Variants in KLC1 observed in about 807,000 individuals in gnomAD.
The protein encoded by KLC1 is kinesin 2 60/70kDa.
A neutral mutation model predicts 84.2 loss-of-function variants in KLC1; 30 were observed. The ratio of observed to expected loss-of-function variants is 0.36; its 90% CI spans 0.27 to 0.48. The LOEUF (loss-of-function observed/expected upper bound fraction) is 0.48, where lower values mean the gene tolerates loss of function less well. KLC1 is among the 20% of genes least tolerant of loss of function. KLC1 has a pLI of 0.99. For synonymous variants in KLC1, 289 were observed against 293.3 expected (o/e 0.99, Z 0.15); for missense variants, 499 against 805.4 (o/e 0.62, Z 4.60).
At chr14:103,647,082 C>A (rs1283996857) in intron 1 of KLC1, among the ~76,000 whole-genome samples, 2 of 152,118 alleles carry the variant, frequency 1.3e-5, no homozygotes, top group African/African-American at 4.8e-5. Flanking sequence ...TTTTCAGTTA[C>A]ACGGGTACAA....
At position 103,694,090 on chromosome 14, in the gene KLC1, A is replaced by T; in HGVS notation, c.1848+1665A>T. ...GGCAGTAAAGCCTGAAGCTTAGCGGACACTGGTCAGTGGGAAGTGAATTCC... is the reference window on the plus strand; with the variant it reads ...GGCAGTAAAGCCTGAAGCTTAGCGGTCACTGGTCAGTGGGAAGTGAATTCC... On this transcript the variant is annotated intron_variant, in intron 15 of 16. Transcript: ENST00000334553. This position sits in a 1 kb window ranked among gnomAD's most constrained non-coding sequence, Gnocchi z 4.5. 1.0e-6 allele frequency: 1 copy of T among 985,958 alleles called. No homozygotes were observed. The highest frequency in any genetic ancestry group is 1.2e-6 in the Non-Finnish European group (1 of 829,538). The allele number at this position is 985,958 out of a possible 1,614,324, so 61.1% of individuals were successfully genotyped here.
chr14:103,689,013 A>G (rs2081945189), intron 14 of KLC1, among the ~76,000 whole-genome samples: 2 of 152,106 alleles, frequency 1.3e-5, no homozygotes, highest in African/African-American at 2.4e-5. Context: ...GAGATTACAC[A>G]TTTCTTCTTA....
In KLC1 at chr14:103,662,811, G is replaced by T; in HGVS notation, c.681G>T (p.Gly227=). The T allele has an allele frequency of 6.2e-7, 1 of 1,613,118 alleles. No homozygotes were observed. The highest frequency in any genetic ancestry group is 8.5e-7 in the Non-Finnish European group (1 of 1,179,856). Residue 227 remains glycine, a synonymous_variant, in exon 5 of 17, where the codon GGG becomes GGT. Coordinates refer to ENST00000334553, the MANE Select transcript of KLC1 (RefSeq NM_001394837.1). The stretch of plus-strand genomic sequence containing the variant: ...TGGTGATCCAGTACGCCTCGCAGGG[G>T]CGCTACGAGGTAGCTGTGCCCCTCT... The part of the protein sequence containing the change: ...HNLVIQYASQ[G]RYEVAVPLCK...
At chr14:103,664,747 T>C (rs1243957551) in intron 5 of KLC1, among the ~76,000 whole-genome samples, 2 of 151,646 alleles carry the variant, frequency 1.3e-5, no homozygotes, top group Non-Finnish European at 2.9e-5. Context: ...ACTCCTGGGC[T>C]TAAGTGATCT....
At chr14:103,695,542 TC>T in intron 15 of KLC1, 1 of 985,290 alleles carries the variant, frequency 1.0e-6, no homozygotes, top group Non-Finnish European at 1.2e-6. Flanking sequence ...GGGTGCCTTC[TC>T]CCTGTGAGGA....
chr14:103,654,407 A>C (rs1487047467), intron 1 of KLC1, among the ~76,000 whole-genome samples, 157 bp from the exon 2 acceptor site: 1 of 152,248 alleles, frequency 6.6e-6, no homozygotes, highest in Non-Finnish European at 1.5e-5. Context: ...GAAAAACAGA[A>C]ACTGCAGAAT....
In KLC1 at chr14:103,675,534, C is replaced by G. The variant is rs2080809000; in HGVS notation, c.1262-18C>G. 6.2e-7 allele frequency: 1 copy of G among 1,606,900 alleles called. No individual in the cohort carries two copies. Among genetic ancestry groups the G allele is most frequent in the Non-Finnish European group, 8.5e-7 (1 of 1,175,508 alleles). ...GGATTAAGGATGCTCAACCTGTATG[C>G]TGTGTTTTCTTCCCTAGATGAAAAT... On this transcript the variant is annotated intron_variant, in intron 9 of 16. Transcript: ENST00000334553.
chr14:103,701,325 G>A lies in KLC1; in HGVS notation c.*126G>A, dbSNP rs2083182468. ...CGCAGCGCTCACTCATTTCTCCTGC[G>A]TCTGTGTGCATAGGACATGATACTA... On this transcript the variant is annotated 3_prime_UTR_variant, in exon 17 of 17. Coordinates refer to ENST00000334553, the MANE Select transcript of KLC1 (RefSeq NM_001394837.1). 17 of 1,051,624 alleles carry A rather than the reference G, an allele frequency of 1.6e-5. No homozygotes were observed. Among genetic ancestry groups the A allele is most frequent in the African/African-American group, 4.7e-5 (3 of 63,850 alleles). The allele number at this position is 1,051,624 out of a possible 1,614,324, so 65.1% of individuals were successfully genotyped here.
chr14:103,657,222 GC>G (rs2078904576), intron 2 of KLC1, among the ~76,000 whole-genome samples: 2 of 152,054 alleles, frequency 1.3e-5, no homozygotes, highest in Non-Finnish European at 2.9e-5. Flanking sequence ...ATTATGTTGG[GC>G]CCATCTTGAT....
At chr14:103,669,321 G>A (rs951424978) in intron 5 of KLC1, among the ~76,000 whole-genome samples, 190 bp from the exon 6 acceptor site, 2 of 151,832 alleles carry the variant, frequency 1.3e-5, no homozygotes, top group African/African-American at 2.4e-5. Context: ...TGTAATCCCA[G>A]CTACTCAGGA....
At chr14:103,655,572 C>T (rs1195254351) in intron 2 of KLC1, among the ~76,000 whole-genome samples, 1 of 151,474 alleles carries the variant, frequency 6.6e-6, no homozygotes, top group Admixed American at 6.6e-5. Context: ...GTTGGGATTA[C>T]AGGCGCGAGC....
chr14:103,700,607 G>C, intron 15 of KLC1, 48 bp from the exon 16 acceptor site: 1 of 1,515,668 alleles, frequency 6.6e-7, no homozygotes, highest in Non-Finnish European at 9.1e-7. Flanking sequence ...AGACGCCTGA[G>C]GGCCGCCTGC....
intron 4 of KLC1, among the ~76,000 whole-genome samples, 190 bp from the exon 5 acceptor site, chr14:103,662,512 T>C (rs1595415344): frequency 6.6e-6 from 1 of 152,092 alleles, no homozygotes; most frequent in East Asian, 1.9e-4. Flanking sequence ...TGAGTGGCCA[T>C]GTTGCCATCC....
chr14:103,647,532 A>G (rs2078040170), intron 1 of KLC1, among the ~76,000 whole-genome samples: 1 of 152,068 alleles, frequency 6.6e-6, no homozygotes, highest in Non-Finnish European at 1.5e-5. Flanking sequence ...CCTTACCCAG[A>G]AACTTTTTTG....
chr14:103,687,777 C>T (rs2081870345), intron 14 of KLC1: 1 of 152,134 alleles, frequency 6.6e-6, no homozygotes, highest in Non-Finnish European at 1.5e-5. Context: ...GTCTTAGAGG[C>T]TTTTGAAAAA....
intron 15 of KLC1, chr14:103,695,863 G>T (rs889003128): frequency 3.6e-5 from 35 of 985,378 alleles, no homozygotes; most frequent in Non-Finnish European, 4.2e-5. Flanking sequence ...TCAGAGGGAG[G>T]CGGCAAGGGA....
chr14:103,695,221 TG>T, intron 15 of KLC1: 1 of 774,914 alleles, frequency 1.3e-6, no homozygotes, highest in Non-Finnish European at 1.6e-6. Context: ...CTTAGCACTT[TG>T]GGAGGCTGAG....
At chr14:103,658,944 ACTGCGC>A in intron 3 of KLC1, among the ~76,000 whole-genome samples, 1 of 151,038 alleles carries the variant, frequency 6.6e-6, no homozygotes. Flanking sequence ...GGTGTGAGCC[ACTGCGC>A]CCAGCCAGTT....
chr14:103,666,643 G>A (rs1176470999), intron 5 of KLC1, among the ~76,000 whole-genome samples: 1 of 149,920 alleles, frequency 6.7e-6, no homozygotes, highest in East Asian at 2.0e-4. Context: ...TGTACCCCTG[G>A]CTGGAGTGCA....
Sources: gnomAD v4.1 joint callset for allele counts (sites outside exome capture counted in the v4.1 genomes callset) on GRCh38, gnomAD v4.1.1 for gene constraint, Gnocchi (gnomAD v3.1) non-coding constraint, MANE v1.5 for transcripts, NCBI Gene and HGNC (gene_info 2026-07-23, HGNC 2026-07-21) for gene names.